The following RECK variants were observed in gnomAD, a reference collection of about 807,000 sequenced individuals.
RECK encodes reversion-inducing cysteine-rich protein with Kazal motifs.
A neutral mutation model predicts 115.1 loss-of-function variants in RECK; 69 were observed. The observed-to-expected ratio is 0.60, with a 90% CI of 0.49 to 0.73. The LOEUF (loss-of-function observed/expected upper bound fraction) is 0.73. Among genes scored for constraint, RECK ranks in the 30% least tolerant of loss-of-function variants. The pLI is 0.00. For missense variants in RECK, 1,047 were observed against 1,203.7 expected (o/e 0.87, Z 1.93); for synonymous variants, 414 against 419.7 (o/e 0.99, Z 0.17).
At chr9:36,091,944 AAAG>A (rs1463542896) in intron 10 of RECK, among the ~76,000 whole-genome samples, 1 of 152,234 alleles carries the variant, frequency 6.6e-6, no homozygotes, top group African/African-American at 2.4e-5. Flanking sequence ...GAGAGTTACT[AAAG>A]AAGAGGTGGC....
Position 36,087,949 on chromosome 9 carries a change from C to A in RECK, c.893C>A (p.Thr298Asn). Residue 298 changes from threonine (T) to asparagine (N), a missense_variant, in exon 9 of 21, where the codon ACT becomes AAT. Coordinates refer to ENST00000377966, the MANE Select transcript of RECK (RefSeq NM_021111.3). ...TTGCATTGTTGTTCTAAAGCAAACA[C>A]TTCAACATGTAGGTTAGTATTTCAT... Reference protein sequence around the residue: ...AKLHCCSKANTSTCRELCTKL... With the variant: ...AKLHCCSKANNSTCRELCTKL... 6.2e-7 allele frequency: 1 copy of A among 1,611,220 alleles called. No homozygotes were observed. Among genetic ancestry groups the A allele is most frequent in the Non-Finnish European group, 8.5e-7 (1 of 1,178,068 alleles).
chr9:36,088,026 C>G (rs1823031293), intron 9 of RECK, 65 bp downstream of exon 9: 2 of 1,235,118 alleles, frequency 1.6e-6, no homozygotes, highest in East Asian at 2.3e-5. Context: ...TGATTTTAAG[C>G]CTAGCAAACG....
At chr9:36,095,530 T>C (rs988385193) in intron 10 of RECK, among the ~76,000 whole-genome samples, 1 of 152,244 alleles carries the variant, frequency 6.6e-6, no homozygotes, top group Non-Finnish European at 1.5e-5. Context: ...AAGGTAACTA[T>C]TGTCCTGTGT....
intron 7 of RECK, 124 bp from the exon 8 acceptor site, chr9:36,083,241 A>G: frequency 1.0e-6 from 1 of 994,012 alleles, no homozygotes; most frequent in South Asian, 1.6e-5. Flanking sequence ...TTAAGTGTTC[A>G]TCGTCTGTGG....
intron 8 of RECK, 142 bp from the exon 9 acceptor site, chr9:36,087,551 TG>T (rs1258296458): frequency 1.3e-6 from 1 of 741,636 alleles, no homozygotes; most frequent in Non-Finnish European, 2.1e-6. Context: ...GATGACAGGT[TG>T]ATGGGTTCAG....
At chr9:36,040,325 C>G (rs1820826276) in intron 1 of RECK, among the ~76,000 whole-genome samples, 1 of 152,078 alleles carries the variant, frequency 6.6e-6, no homozygotes, top group Non-Finnish European at 1.5e-5. Flanking sequence ...AGAGCTGCCT[C>G]TTTGAGAAGG....
chr9:36,057,036 T>C, intron 2 of RECK: 1 of 984,462 alleles, frequency 1.0e-6, no homozygotes, highest in Non-Finnish European at 1.2e-6. Flanking sequence ...GTCTGTCTGA[T>C]ATGTGTAATG....
At chr9:36,119,784 C>T (rs553315462) in intron 18 of RECK, among the ~76,000 whole-genome samples, 2 of 152,156 alleles carry the variant, frequency 1.3e-5, no homozygotes, top group South Asian at 4.2e-4. Flanking sequence ...GCAGCAAGTA[C>T]GATGACACGA....
chr9:36,083,717 C>T (rs1822826906), intron 8 of RECK, among the ~76,000 whole-genome samples, 155 bp downstream of exon 8: 1 of 152,036 alleles, frequency 6.6e-6, no homozygotes, highest in African/African-American at 2.4e-5. Context: ...ATAATATTGT[C>T]ACAGCCAAAA....
At chr9:36,078,287 A>G (rs915682248) in intron 6 of RECK, among the ~76,000 whole-genome samples, 11 of 152,236 alleles carry the variant, frequency 7.2e-5, no homozygotes, top group African/African-American at 2.7e-4. Context: ...CACATTTCGC[A>G]GGTTTTATCT....
In RECK at chr9:36,117,112, G is replaced by A; in HGVS notation, c.2188G>A (p.Glu730Lys). 6.2e-7 allele frequency: 1 copy of A among 1,614,138 alleles called. No homozygotes were observed. Among genetic ancestry groups the A allele is most frequent in the Non-Finnish European group, 8.5e-7 (1 of 1,179,978 alleles). Residue 730 changes from glutamate (E) to lysine (K), a missense_variant, in exon 17 of 21, where the codon GAG (glutamate) becomes AAG (lysine). By Grantham distance (56) the Glu-to-Lys change is moderately conservative. Transcript: ENST00000377966. ...QDPVCDTDHM[E>K]HNNLCTLYQR... is the part of the protein sequence containing the mutation. The stretch of plus-strand genomic sequence containing the variant: ...TCCTGTTTGTGACACAGACCACATG[G>A]AGCACAACAATCTCTGCACTTTATA...
intron 13 of RECK, 151 bp from the exon 14 acceptor site, chr9:36,107,825 C>A: frequency 1.7e-6 from 1 of 593,152 alleles, no homozygotes; most frequent in Non-Finnish European, 2.9e-6. Flanking sequence ...GCCAATGAAC[C>A]AAAGCAATTC....
chr9:36,083,545 T>A lies in RECK; in HGVS notation c.620T>A (p.Met207Lys), dbSNP rs775874797. The A allele has an allele frequency of 6.2e-7, 1 of 1,613,540 alleles. No homozygotes were observed. Among genetic ancestry groups the A allele is most frequent in the Admixed American group, 1.7e-5 (1 of 59,942 alleles). Residue 207 changes from methionine to lysine, a missense_variant, in exon 8 of 21, where the codon ATG becomes AAG. Met to Lys is a moderately conservative substitution (Grantham distance 95, BLOSUM62 -1). Transcript: ENST00000377966. ...AACAATTATACTCAATCTTATCCAA[T>A]GAGGAACCCAACGGATAGTAAGTAA... ...CVNNYTQSYP[M>K]RNPTDSLYCC... is the part of the protein sequence containing the mutation.
chr9:36,074,568 G>A (rs904929246), intron 6 of RECK, among the ~76,000 whole-genome samples: 1 of 152,194 alleles, frequency 6.6e-6, no homozygotes, highest in Non-Finnish European at 1.5e-5. Flanking sequence ...TAAAGGATGA[G>A]CAGAAAGCTG....
intron 1 of RECK, among the ~76,000 whole-genome samples, chr9:36,038,111 G>A (rs995394242): frequency 6.6e-6 from 1 of 151,494 alleles, no homozygotes; most frequent in Non-Finnish European, 1.5e-5. Flanking sequence ...CCAGGAGTTC[G>A]AGGCCATCCT....
chr9:36,036,956 T>C lies in RECK; in HGVS notation c.-43T>C. 2 of 1,306,570 alleles carry C rather than the reference T, an allele frequency of 1.5e-6. No individual in the cohort carries two copies. Among genetic ancestry groups the C allele is most frequent in the Non-Finnish European group, 2.0e-6 (2 of 1,010,140 alleles). The allele number at this position is 1,306,570 out of a possible 1,614,324, so 80.9% of individuals were successfully genotyped here. On this transcript the variant is annotated 5_prime_UTR_variant, in exon 1 of 21. Coordinates refer to ENST00000377966, the MANE Select transcript of RECK (RefSeq NM_021111.3). ...GCGGCGGCAGCGGCTGCGGCCAAGC[T>C]GGGTCCGAGCATCCCGCGGCTCTGG...
At chr9:36,080,687 GC>G in intron 7 of RECK, 49 bp downstream of exon 7, 1 of 1,538,382 alleles carries the variant, frequency 6.5e-7, no homozygotes. Flanking sequence ...GATATAATTA[GC>G]CATCTGAAGC....
At chr9:36,104,008 C>T (rs1823661117) in intron 12 of RECK, among the ~76,000 whole-genome samples, 1 of 151,900 alleles carries the variant, frequency 6.6e-6, no homozygotes, top group South Asian at 2.1e-4. Flanking sequence ...TTAAATATCT[C>T]TTTAAATATC....
chr9:36,060,761 G>A (rs1356803885), intron 4 of RECK, among the ~76,000 whole-genome samples: 2 of 151,910 alleles, frequency 1.3e-5, no homozygotes, highest in Non-Finnish European at 2.9e-5. Context: ...TCCCAGAACT[G>A]TTAACTAATC....
Sources: allele counts gnomAD v4.1 joint callset (sites outside exome capture counted in the v4.1 genomes callset), GRCh38; gene constraint gnomAD v4.1.1; transcripts MANE v1.5; gene names NCBI Gene and HGNC (gene_info 2026-07-23, HGNC 2026-07-21).